Variants in DHX57 observed in about 807,000 individuals in gnomAD.
The protein encoded by DHX57 is putative ATP-dependent RNA helicase DHX57.
In DHX57, 105 loss-of-function variants were observed where a neutral mutation model predicts 156.2. The ratio of observed to expected loss-of-function variants is 0.67; its 90% CI spans 0.57 to 0.79. DHX57 has a LOEUF of 0.79. Among genes scored for constraint, DHX57 ranks in the 30% least tolerant of loss-of-function variants. The pLI is 0.00. For missense variants in DHX57, 1,847 were observed against 1,661.9 expected (o/e 1.11, Z -1.94); for synonymous variants, 704 against 595.6 (o/e 1.18, Z -2.65).
intron 13 of DHX57, among the ~76,000 whole-genome samples, chr2:38,834,149 G>A (rs1233700338): frequency 2.0e-5 from 3 of 151,838 alleles, no homozygotes; most frequent in African/African-American, 7.3e-5. Context: ...GACCAACACG[G>A]TGAAACTCCA....
At chr2:38,810,200 CTT>C (rs546365495) in intron 21 of DHX57, among the ~76,000 whole-genome samples, 149 of 136,160 alleles carry the variant, frequency 1.1e-3, no homozygotes, top group South Asian at 8.0e-3. Flanking sequence ...TGGCCTTAGT[CTT>C]TTTTTTTTTT....
rs1329474053 is a variant in DHX57, at chr2:38,837,851, C to G, written c.2522G>C (p.Gly841Ala). The G allele has an allele frequency of 1.2e-6, 2 of 1,606,396 alleles. No individual in the cohort carries two copies. Among genetic ancestry groups the G allele is most frequent in the African/African-American group, 1.3e-5 (1 of 74,704 alleles). The change falls in exon 13 of 24, where the codon GGA (glycine) becomes GCA (alanine). Residue 841 changes from glycine (G) to alanine (A), a missense_variant. Gly to Ala is a moderately conservative substitution (Grantham distance 60). Coordinates refer to ENST00000457308, the MANE Select transcript of DHX57 (RefSeq NM_198963.3). ...IEALLEWIVD[G>A]KHSYPPGAIL... ...GTTACCTGGAGGGTAGGAGTGCTTT[C>G]CATCCACAATCCACTCTAATAAGGC...
chr2:38,843,287 T>G, intron 11 of DHX57, 77 bp from the exon 12 acceptor site: 1 of 1,472,780 alleles, frequency 6.8e-7, no homozygotes, highest in Non-Finnish European at 9.3e-7. Context: ...CTGTTTCACG[T>G]GCTCGTTCAG....
chr2:38,858,068 T>C (rs1266122167), intron 6 of DHX57, among the ~76,000 whole-genome samples: 1 of 152,152 alleles, frequency 6.6e-6, no homozygotes, highest in Non-Finnish European at 1.5e-5. Context: ...TATTTTGTTT[T>C]GTTTTGTTTT....
chr2:38,810,200 CTTT>C (rs546365495), intron 21 of DHX57, among the ~76,000 whole-genome samples: 9 of 136,288 alleles, frequency 6.6e-5, no homozygotes, highest in Non-Finnish European at 4.8e-5. Context: ...TGGCCTTAGT[CTTT>C]TTTTTTTTTT....
intron 13 of DHX57, among the ~76,000 whole-genome samples, chr2:38,837,239 T>C (rs1016926497): frequency 2.0e-5 from 3 of 152,200 alleles, no homozygotes; most frequent in Non-Finnish European, 2.9e-5. Flanking sequence ...ATATGGTTTC[T>C]TTTAATCCCC....
intron 21 of DHX57, 34 bp from the exon 22 acceptor site, chr2:38,806,727 A>T (rs1558353112): frequency 1.9e-6 from 3 of 1,588,978 alleles, no homozygotes; most frequent in Admixed American, 3.4e-5. Context: ...ATAGACATAT[A>T]ATATATATAT....
chr2:38,861,594 C>A lies in DHX57; in HGVS notation c.816G>T (p.Trp272Cys). ...GATACTCCAGTTCTAACCCAATGGT[C>A]CAGACTCTGTTCTGAATTCTTTCTA... is the stretch of plus-strand genomic sequence containing the variant. Reference protein sequence around the residue: ...KFIERIQNRVWTIGLELEYLT... With the variant: ...KFIERIQNRVCTIGLELEYLT... Residue 272 changes from tryptophan (W) to cysteine (C), a missense_variant, in exon 5 of 24, where the codon TGG becomes TGT. Trp to Cys is a radical substitution (Grantham distance 215). Coordinates refer to ENST00000457308, the MANE Select transcript of DHX57 (RefSeq NM_198963.3). The A allele has an allele frequency of 3.1e-6, 5 of 1,614,160 alleles. No individual in the cohort carries two copies. The highest frequency in any genetic ancestry group is 4.2e-6 in the Non-Finnish European group (5 of 1,180,038).
At chr2:38,852,258 C>A (rs1475883004) in intron 9 of DHX57, among the ~76,000 whole-genome samples, 2 of 150,910 alleles carry the variant, frequency 1.3e-5, no homozygotes, top group African/African-American at 4.9e-5. Flanking sequence ...CTCACGGCAA[C>A]CTCCGCCTCC....
intron 1 of DHX57, among the ~76,000 whole-genome samples, chr2:38,872,491 C>A (rs1665401398): frequency 6.6e-6 from 1 of 152,118 alleles, no homozygotes; most frequent in African/African-American, 2.4e-5. Context: ...GCAGGAGAGG[C>A]ACTTTAAATT....
intron 21 of DHX57, among the ~76,000 whole-genome samples, chr2:38,807,077 C>T (rs139590406): frequency 7.6e-4 from 114 of 150,634 alleles, no homozygotes; most frequent in Middle Eastern, 3.4e-3. Flanking sequence ...TTTTTTGAGA[C>T]CGAGTCTCAC....
chr2:38,862,227 A>G lies in DHX57; in HGVS notation c.490T>C (p.Leu164=). The G allele has an allele frequency of 6.2e-7, 1 of 1,613,972 alleles. No homozygotes were observed. The highest frequency in any genetic ancestry group is 8.5e-7 in the Non-Finnish European group (1 of 1,179,916). The part of the protein sequence containing the change: ...EPSLVPDLDP[L]EYAGLASVEP... Reference sequence around the variant, plus strand: ...ACTGAGGCTAAGCCAGCATATTCCAAAGGATCCAAGTCGGGAACGAGGGAA... The same window carrying G: ...ACTGAGGCTAAGCCAGCATATTCCAGAGGATCCAAGTCGGGAACGAGGGAA... The change falls in exon 4 of 24, where the codon TTG becomes CTG. Residue 164 remains leucine (L), a synonymous_variant. Coordinates refer to ENST00000457308, the MANE Select transcript of DHX57 (RefSeq NM_198963.3).
At chr2:38,806,839 C>T (rs1356025850) in intron 21 of DHX57, 146 bp from the exon 22 acceptor site, 9 of 841,472 alleles carry the variant, frequency 1.1e-5, no homozygotes, top group African/African-American at 3.5e-5. Context: ...TATTTTGTTT[C>T]CTTCTGAAAG....
chr2:38,802,910 T>A lies in DHX57; in HGVS notation c.3822A>T (p.Arg1274Ser), dbSNP rs767058631. The A allele has an allele frequency of 6.2e-7, 1 of 1,613,892 alleles. No individual in the cohort carries two copies. Among genetic ancestry groups the A allele is most frequent in the Non-Finnish European group, 8.5e-7 (1 of 1,180,016 alleles). ...ACAACAGGTAGGGGCTGTCAAAGTGTCTCACCTGTAACAAAAAACCTCAGA... is the reference window on the plus strand; with the variant it reads ...ACAACAGGTAGGGGCTGTCAAAGTGACTCACCTGTAACAAAAAACCTCAGA... ...IHPSSVNYQV[R>S]HFDSPYLLYH... Residue 1274 changes from arginine (R) to serine (S), a missense_variant, in exon 23 of 24, where the codon AGA becomes AGT. Arg to Ser is a moderately radical substitution (Grantham distance 110). Coordinates refer to ENST00000457308, the MANE Select transcript of DHX57 (RefSeq NM_198963.3).
intron 1 of DHX57, among the ~76,000 whole-genome samples, chr2:38,870,685 T>C (rs1346439907): frequency 1.3e-5 from 2 of 152,018 alleles, no homozygotes; most frequent in Non-Finnish European, 2.9e-5. Context: ...CGAGACCATC[T>C]TGGCTAACAC....
intron 16 of DHX57, 135 bp downstream of exon 16, chr2:38,825,712 C>T: frequency 1.1e-6 from 1 of 883,898 alleles, no homozygotes; most frequent in Non-Finnish European, 1.7e-6. Flanking sequence ...GGATATCTTT[C>T]TTCACAAATA....
At chr2:38,824,939 A>T (rs1671016375) in intron 16 of DHX57, among the ~76,000 whole-genome samples, 2 of 152,146 alleles carry the variant, frequency 1.3e-5, no homozygotes, top group African/African-American at 4.8e-5. Flanking sequence ...ATGAGCCACC[A>T]CACCCAGCCC....
At position 38,854,331 on chromosome 2, in the gene DHX57, C is replaced by A. The variant is rs1672767741; in HGVS notation, c.1906-153G>T. The A allele has an allele frequency of 7.6e-6, 5 of 659,232 alleles. No individual in the cohort carries two copies. The South Asian group carries it at 1.3e-4, about 17-fold the overall frequency. 40.8% of individuals were successfully genotyped at this position (659,232 alleles called of 1,614,324 possible). ...AACCATACTAAACATAGTTTCTTGC[C>A]AGGGACAGTAATAAAAGCCTTTCTA... On this transcript the variant is annotated intron_variant, in intron 8 of 23. Transcript: ENST00000457308.
rs912570499 is a variant in DHX57 at position 38,861,352 on chromosome 2, T to C, written c.1058A>G (p.Tyr353Cys). 1.2e-6 allele frequency: 2 copies of C among 1,613,608 alleles called. No homozygotes were observed. The highest frequency in any genetic ancestry group is 1.6e-4 in the Middle Eastern group (1 of 6,062). ...TTTAGAAAATCGAATTTCAAGTTCA[T>C]ATAAAAAAGATGCATCTTCAATAGC... ...LNAIEDASFLYELEIRFSKDH... is the reference protein window; with the variant it reads ...LNAIEDASFLCELEIRFSKDH... The change falls in exon 5 of 24, where the codon TAT (tyrosine) becomes TGT (cysteine). Residue 353 changes from tyrosine (Y) to cysteine (C), a missense_variant. Transcript: ENST00000457308.
Sources: allele counts gnomAD v4.1 joint callset (sites outside exome capture counted in the v4.1 genomes callset), GRCh38; gene constraint gnomAD v4.1.1; transcripts MANE v1.5; gene names NCBI Gene and HGNC (gene_info 2026-07-23, HGNC 2026-07-21).